Variants in NLGN1 observed in about 807,000 individuals in gnomAD.
NLGN1 encodes the protein neuroligin 1.
In NLGN1, 12 loss-of-function variants were observed where a neutral mutation model predicts 65.5. The ratio of observed to expected loss-of-function variants is 0.18; its 90% CI spans 0.12 to 0.30. The LOEUF (loss-of-function observed/expected upper bound fraction) is 0.30, where lower values mean the gene tolerates loss of function less well. Ranked by LOEUF, NLGN1 falls within the 10% of genes least tolerant of loss-of-function variation. The probability of loss-of-function intolerance (pLI) is 1.00; values close to 1 mark genes in which losing one functional copy is unlikely to be tolerated. For missense variants in NLGN1, 750 were observed against 1,007.1 expected (o/e 0.74, Z 3.46); for synonymous variants, 350 against 359.5 (o/e 0.97, Z 0.30).
At chr3:173,671,895 C>T (rs1046151064) in intron 3 of NLGN1, among the ~76,000 whole-genome samples, 3 of 152,144 alleles carry the variant, frequency 2.0e-5, no homozygotes, top group Admixed American at 2.0e-4. Context: ...GAATAGTTGG[C>T]CGGGCGTGGT....
chr3:173,704,030 T>A (rs150352114), intron 3 of NLGN1, among the ~76,000 whole-genome samples: 27 of 152,370 alleles, frequency 1.8e-4, no homozygotes, highest in African/African-American at 6.0e-4. Context: ...GTGGCGGAAC[T>A]GTTCCTTAAA....
intron 4 of NLGN1, among the ~76,000 whole-genome samples, chr3:174,101,842 A>G (rs1386370966): frequency 6.6e-6 from 1 of 152,116 alleles, no homozygotes; most frequent in African/African-American, 2.4e-5. Flanking sequence ...AATGTAAGCC[A>G]CTCTCTGTGT....
At chr3:173,539,455 A>G (rs9834006) in intron 2 of NLGN1, among the ~76,000 whole-genome samples, 11,477 of 145,342 alleles carry the variant, frequency 0.079, 1,442 homozygotes, top group African/African-American at 0.27. Flanking sequence ...GTATATACAT[A>G]CATGTACATA....
intron 3 of NLGN1, among the ~76,000 whole-genome samples, chr3:173,609,409 G>A (rs1343827409): frequency 1.3e-5 from 2 of 151,874 alleles, no homozygotes; most frequent in African/African-American, 2.4e-5. Context: ...ACGTGCTCTG[G>A]TTCATGGTCT....
chr3:174,001,469 A>T (rs963689843), intron 4 of NLGN1, among the ~76,000 whole-genome samples: 8 of 152,216 alleles, frequency 5.3e-5, no homozygotes, highest in Non-Finnish European at 1.0e-4. Flanking sequence ...AAGTTAAGTC[A>T]TTATGTGATA....
intron 4 of NLGN1, among the ~76,000 whole-genome samples, chr3:174,133,334 A>T (rs576036883): frequency 1.2e-4 from 18 of 152,112 alleles, no homozygotes; most frequent in Non-Finnish European, 1.9e-4. Flanking sequence ...ATATCTTCTA[A>T]TCTTTGACAT....
At chr3:174,076,944 C>T (rs931111692) in intron 4 of NLGN1, among the ~76,000 whole-genome samples, 1 of 151,982 alleles carries the variant, frequency 6.6e-6, no homozygotes, top group Admixed American at 6.6e-5. Flanking sequence ...ACAATGGTAC[C>T]TAAATAATTC....
intron 4 of NLGN1, among the ~76,000 whole-genome samples, chr3:174,231,431 CTA>C (rs1222578183): frequency 6.6e-6 from 1 of 152,154 alleles, no homozygotes; most frequent in Non-Finnish European, 1.5e-5. Context: ...ATTCAGCAGT[CTA>C]TGAGTGGTTA....
At chr3:173,505,898 A>G (rs760086340) in intron 2 of NLGN1, among the ~76,000 whole-genome samples, 2 of 152,120 alleles carry the variant, frequency 1.3e-5, no homozygotes, top group Non-Finnish European at 2.9e-5. Flanking sequence ...ACAACACCCA[A>G]AATAATAATT....
intron 3 of NLGN1, among the ~76,000 whole-genome samples, chr3:173,745,864 G>T (rs1401843261): frequency 6.6e-6 from 1 of 152,044 alleles, no homozygotes; most frequent in African/African-American, 2.4e-5. Flanking sequence ...AGGAATTTCA[G>T]ATAACCATAA....
chr3:174,127,586 AAT>A (rs774978307), intron 4 of NLGN1, among the ~76,000 whole-genome samples: 5 of 152,036 alleles, frequency 3.3e-5, no homozygotes, highest in Non-Finnish European at 4.4e-5. Flanking sequence ...CTTCACCTGA[AAT>A]GTCACCCTCC....
chr3:173,454,130 G>C (rs1000789292), intron 2 of NLGN1, among the ~76,000 whole-genome samples: 1 of 152,160 alleles, frequency 6.6e-6, no homozygotes, highest in Admixed American at 6.5e-5. Context: ...GTAATATTTT[G>C]AGAGACATTT....
chr3:174,258,381 C>G (rs1402962972), intron 4 of NLGN1, among the ~76,000 whole-genome samples: 1 of 151,996 alleles, frequency 6.6e-6, no homozygotes, highest in Non-Finnish European at 1.5e-5. Flanking sequence ...AATAATAAAA[C>G]AAATGATAAC....
At chr3:173,952,968 G>A (rs1276293762) in intron 4 of NLGN1, among the ~76,000 whole-genome samples, 4 of 151,852 alleles carry the variant, frequency 2.6e-5, no homozygotes, top group African/African-American at 7.3e-5. Flanking sequence ...TAGTAGAGAC[G>A]GGGTTTCACC....
Position 173,852,217 on chromosome 3 carries a change from G to A in NLGN1, c.646+44385G>A, listed in dbSNP as rs540515317. On this transcript the variant is annotated intron_variant, in intron 4 of 6. Coordinates refer to ENST00000457714, the Ensembl canonical transcript of NLGN1. The stretch of plus-strand genomic sequence containing the variant: ...TAAAAATACAAAAAATTAGCCGGGC[G>A]TGGTAGCGGGCGCCTGTAGTCCCAG... Among the ~76,000 whole-genome samples the A allele has an allele frequency of 4.7e-5, 7 of 149,540 alleles. No homozygotes were observed. The East Asian group carries it at 1.2e-3, about 26-fold the overall frequency.
intron 4 of NLGN1, among the ~76,000 whole-genome samples, chr3:174,127,538 C>T (rs981253678): frequency 1.3e-5 from 2 of 152,012 alleles, no homozygotes; most frequent in Admixed American, 1.3e-4. Flanking sequence ...CTGCCAAACT[C>T]GTCTCTTCAA....
chr3:173,747,117 G>C (rs1274032148), intron 3 of NLGN1, among the ~76,000 whole-genome samples: 1 of 148,350 alleles, frequency 6.7e-6, no homozygotes, highest in African/African-American at 2.5e-5. Flanking sequence ...TATACCACGT[G>C]TATACGTGTG....
intron 4 of NLGN1, among the ~76,000 whole-genome samples, chr3:174,188,865 A>G (rs1731879368): frequency 6.6e-6 from 1 of 151,946 alleles, no homozygotes; most frequent in Non-Finnish European, 1.5e-5. Context: ...ATAGACCCAA[A>G]TTTATTTAAG....
intron 2 of NLGN1, among the ~76,000 whole-genome samples, chr3:173,519,624 G>C (rs1010307040): frequency 6.6e-6 from 1 of 152,130 alleles, no homozygotes; most frequent in Admixed American, 6.5e-5. Flanking sequence ...GGGCCTGTAG[G>C]CCTTTTCTTT....
Sources: allele counts gnomAD v4.1 joint callset (sites outside exome capture counted in the v4.1 genomes callset), GRCh38; gene constraint gnomAD v4.1.1; transcripts MANE v1.5; gene names NCBI Gene and HGNC (gene_info 2026-07-23, HGNC 2026-07-21).